The following FSTL5 variants were observed in gnomAD, a reference collection of about 807,000 sequenced individuals.
FSTL5 encodes the protein follistatin-related protein 5.
Under a neutral mutation model 89.1 loss-of-function variants are expected in FSTL5, and 62 were observed. That is an observed-to-expected ratio of 0.70 (90% CI 0.57 to 0.86). The LOEUF (loss-of-function observed/expected upper bound fraction) is 0.86. Among genes scored for constraint, FSTL5 ranks in the 40% least tolerant of loss-of-function variants. The pLI is 0.00. For missense variants in FSTL5, 1,057 were observed against 1,001.6 expected (o/e 1.06, Z -0.75); for synonymous variants, 383 against 346.2 (o/e 1.11, Z -1.18).
chr4:161,973,354 A>G (rs1371627290), intron 3 of FSTL5, among the ~76,000 whole-genome samples: 1 of 152,216 alleles, frequency 6.6e-6, no homozygotes, highest in African/African-American at 2.4e-5. Context: ...TCACAAGTGT[A>G]AGAGAAACTA....
At chr4:161,571,160 A>G (rs1312134904) in intron 8 of FSTL5, among the ~76,000 whole-genome samples, 1 of 152,100 alleles carries the variant, frequency 6.6e-6, no homozygotes, top group Non-Finnish European at 1.5e-5. Context: ...AACATAGTAA[A>G]AAGAATCTGG....
chr4:161,778,484 A>G (rs770611986), intron 4 of FSTL5, among the ~76,000 whole-genome samples: 21 of 152,204 alleles, frequency 1.4e-4, no homozygotes, highest in Non-Finnish European at 1.6e-4. Context: ...CTGCAAAACA[A>G]TATCTGAATC....
chr4:161,943,780 C>T (rs952072000), intron 3 of FSTL5, among the ~76,000 whole-genome samples: 2 of 151,898 alleles, frequency 1.3e-5, no homozygotes, highest in African/African-American at 2.4e-5. Context: ...TGGTCTCGAT[C>T]TCCTGACCTC....
chr4:161,930,381 TC>T (rs1734253612), intron 3 of FSTL5, among the ~76,000 whole-genome samples: 1 of 151,856 alleles, frequency 6.6e-6, no homozygotes, highest in African/African-American at 2.4e-5. Flanking sequence ...ATTAATTTCT[TC>T]AACAAACTTT....
intron 6 of FSTL5, among the ~76,000 whole-genome samples, chr4:161,731,153 T>C (rs1019802819): frequency 6.6e-6 from 1 of 152,182 alleles, no homozygotes; most frequent in Admixed American, 6.6e-5. Context: ...TTTAAATGTA[T>C]GAGTTGATGA....
intron 3 of FSTL5, among the ~76,000 whole-genome samples, chr4:161,973,210 G>T (rs1451953411): frequency 1.3e-5 from 2 of 152,060 alleles, no homozygotes; most frequent in African/African-American, 4.8e-5. Flanking sequence ...GGTATAGCAT[G>T]ACAGTTTTAA....
intron 15 of FSTL5, among the ~76,000 whole-genome samples, chr4:161,427,631 A>G (rs1732209581): frequency 6.6e-6 from 1 of 152,210 alleles, no homozygotes; most frequent in South Asian, 2.1e-4. Flanking sequence ...TTTTTCTCAA[A>G]AAGGTGTGTC....
At chr4:161,624,403 C>A (rs1735242636) in intron 7 of FSTL5, among the ~76,000 whole-genome samples, 1 of 151,778 alleles carries the variant, frequency 6.6e-6, no homozygotes, top group South Asian at 2.1e-4. Context: ...TTTAGGATAC[C>A]TTCTGAATAA....
At position 161,992,861 on chromosome 4, in the gene FSTL5, AATATATAT is replaced by A. The variant is rs1214124720; in HGVS notation, c.160+40756_160+40763del. Among the ~76,000 whole-genome samples the A allele has an allele frequency of 1.1e-3, 80 of 76,172 alleles. 1 individual carries two copies. The highest frequency in any genetic ancestry group is 2.7e-3 in the South Asian group (6 of 2,240). The allele number at this position is 76,172 out of a possible 152,430, so 50.0% of individuals were successfully genotyped here. On this transcript the variant is annotated intron_variant, in intron 3 of 15. Transcript: ENST00000306100. Reference sequence around the variant, plus strand: ...AAACTCCATCTCAAAAAAAAAAAAAAATATATATATATATATATATATATATATATATA... The same window carrying A: ...AAACTCCATCTCAAAAAAAAAAAAAAATATATATATATATATATATATATA...
intron 15 of FSTL5, among the ~76,000 whole-genome samples, chr4:161,422,838 C>A (rs1309375223): frequency 6.6e-6 from 1 of 152,018 alleles, no homozygotes; most frequent in East Asian, 1.9e-4. Context: ...TTGGAATGGG[C>A]CTATGGACCG....
intron 11 of FSTL5, among the ~76,000 whole-genome samples, chr4:161,502,140 G>T (rs567939222): frequency 6.6e-6 from 1 of 151,942 alleles, no homozygotes; most frequent in African/African-American, 2.4e-5. Flanking sequence ...ACTACTTTAA[G>T]TCCAGATTGT....
At chr4:161,563,420 A>AAATGT (rs1732675678) in intron 8 of FSTL5, among the ~76,000 whole-genome samples, 1 of 151,980 alleles carries the variant, frequency 6.6e-6, no homozygotes, top group South Asian at 2.1e-4. Context: ...ACTTATAGTG[A>AAATGT]ATAGGGCTCC....
chr4:161,399,943 G>A (rs1270280377), intron 15 of FSTL5, among the ~76,000 whole-genome samples: 1 of 152,042 alleles, frequency 6.6e-6, no homozygotes, highest in Non-Finnish European at 1.5e-5. Flanking sequence ...GTATGTAAGC[G>A]ATTGTGTGAA....
intron 3 of FSTL5, among the ~76,000 whole-genome samples, chr4:161,997,501 A>T (rs1466208235): frequency 1.3e-5 from 2 of 152,126 alleles, no homozygotes; most frequent in African/African-American, 2.4e-5. Flanking sequence ...TACAGTGCAC[A>T]TTCCTTTCAA....
intron 11 of FSTL5, among the ~76,000 whole-genome samples, chr4:161,509,650 G>T (rs1578886830): frequency 6.6e-6 from 1 of 152,276 alleles, no homozygotes; most frequent in Middle Eastern, 3.4e-3. Flanking sequence ...GAGAAATTTT[G>T]TTTAAGGTGG....
chr4:161,803,177 G>T (rs533610426), intron 4 of FSTL5, among the ~76,000 whole-genome samples: 1 of 151,930 alleles, frequency 6.6e-6, no homozygotes, highest in African/African-American at 2.4e-5. Flanking sequence ...CTGGCTTTGT[G>T]ATTTATCAGT....
chr4:161,431,474 G>T (rs1433786249), intron 15 of FSTL5, among the ~76,000 whole-genome samples: 1 of 150,132 alleles, frequency 6.7e-6, no homozygotes, highest in African/African-American at 2.4e-5. Flanking sequence ...TAAACAGAAC[G>T]TAAAAATCAA....
At chr4:161,942,076 A>T (rs182146063) in intron 3 of FSTL5, among the ~76,000 whole-genome samples, 34 of 152,120 alleles carry the variant, frequency 2.2e-4, no homozygotes, top group Admixed American at 1.4e-3. Flanking sequence ...ATATTAGGAA[A>T]TACTTAGAGA....
chr4:161,813,752 ATTGT>A (rs1170720846), intron 4 of FSTL5, among the ~76,000 whole-genome samples: 2 of 135,514 alleles, frequency 1.5e-5, no homozygotes, highest in African/African-American at 5.6e-5. Flanking sequence ...CATATTCTTA[ATTGT>A]TTATTTCATT....
Sources: allele counts gnomAD v4.1 joint callset (sites outside exome capture counted in the v4.1 genomes callset), GRCh38; gene constraint gnomAD v4.1.1; transcripts MANE v1.5; gene names NCBI Gene and HGNC (gene_info 2026-07-23, HGNC 2026-07-21).